Variants in TCERG1 observed in about 807,000 individuals in gnomAD.
TCERG1 encodes TATA box binding protein (TBP)-associated factor, RNA polymerase II, S, 150kD.
A neutral mutation model predicts 144.7 loss-of-function variants in TCERG1; 37 were observed. The ratio of observed to expected loss-of-function variants is 0.26; its 90% CI spans 0.20 to 0.34. The LOEUF (loss-of-function observed/expected upper bound fraction) is 0.34, where lower values mean the gene tolerates loss of function less well. Ranked by LOEUF, TCERG1 falls within the 10% of genes least tolerant of loss-of-function variation. TCERG1 has a pLI of 1.00. For synonymous variants in TCERG1, 492 were observed against 458.2 expected (o/e 1.07, Z -0.94); for missense variants, 1,027 against 1,380.7 (o/e 0.74, Z 4.06).
rs1451231561 is a variant in TCERG1 at position 146,457,137 on chromosome 5, A to G, written c.286-46A>G. 7 of 1,585,952 alleles carry G rather than the reference A, an allele frequency of 4.4e-6. No homozygotes were observed. The Admixed American group carries it at 1.1e-4, about 24-fold the overall frequency. On this transcript the variant is annotated intron_variant, in intron 2 of 22. Coordinates refer to ENST00000679501, the MANE Select transcript of TCERG1 (RefSeq NM_001382548.1). The stretch of plus-strand genomic sequence containing the variant: ...TGAATAGAATTCAGTAATAATTTGG[A>G]GGAAAAGTAATTAAAGTGACCATTA...
intron 10 of TCERG1, 111 bp downstream of exon 10, chr5:146,478,764 C>G (rs1765074398): frequency 8.7e-7 from 1 of 1,151,474 alleles, no homozygotes; most frequent in African/African-American, 1.6e-5. Context: ...ATATAAGAAG[C>G]ATTCGAAAAA....
At chr5:146,506,907 T>C (rs1388644981) in intron 19 of TCERG1, 121 bp from the exon 20 acceptor site, 1 of 726,182 alleles carries the variant, frequency 1.4e-6, no homozygotes. Context: ...TATCTGTTGA[T>C]AGACACTTAG....
At chr5:146,500,804 C>G (rs970763596) in intron 17 of TCERG1, among the ~76,000 whole-genome samples, 1 of 151,844 alleles carries the variant, frequency 6.6e-6, no homozygotes, top group Non-Finnish European at 1.5e-5. Flanking sequence ...GAGGATTGCT[C>G]GAGACCAGCC....
chr5:146,450,270 C>T (rs532219456), intron 1 of TCERG1, among the ~76,000 whole-genome samples: 1 of 152,268 alleles, frequency 6.6e-6, no homozygotes, highest in African/African-American at 2.4e-5. Flanking sequence ...TTTGAGGTGA[C>T]ATTTGAACTA....
chr5:146,496,471 C>A (rs1354743907), intron 16 of TCERG1, among the ~76,000 whole-genome samples: 1 of 152,148 alleles, frequency 6.6e-6, no homozygotes, highest in Admixed American at 6.5e-5. Context: ...TGTTAGTGAT[C>A]TAACTTCATA....
chr5:146,447,652 G>T (rs1435259437), intron 1 of TCERG1, among the ~76,000 whole-genome samples: 1 of 152,230 alleles, frequency 6.6e-6, no homozygotes, highest in Admixed American at 6.5e-5. Flanking sequence ...GGGCCTCGCC[G>T]CCTCTCGCGG....
At chr5:146,476,304 C>T (rs1764833813) in intron 9 of TCERG1, among the ~76,000 whole-genome samples, 1 of 152,226 alleles carries the variant, frequency 6.6e-6, no homozygotes, top group Non-Finnish European at 1.5e-5. Flanking sequence ...CATCTATCTT[C>T]AGTATCTCAT....
chr5:146,506,435 T>C (rs1387295165), intron 19 of TCERG1, among the ~76,000 whole-genome samples: 1 of 152,214 alleles, frequency 6.6e-6, no homozygotes, highest in Non-Finnish European at 1.5e-5. Context: ...TGTTTTGATA[T>C]AGGTAGATAA....
intron 5 of TCERG1, among the ~76,000 whole-genome samples, chr5:146,467,984 C>T (rs995565636): frequency 2.0e-5 from 3 of 152,160 alleles, no homozygotes; most frequent in Non-Finnish European, 4.4e-5. Flanking sequence ...TTACTGGTAT[C>T]TAAGCAACAG....
chr5:146,448,114 C>T (rs1035919756), intron 1 of TCERG1, among the ~76,000 whole-genome samples: 12 of 151,364 alleles, frequency 7.9e-5, no homozygotes, highest in Admixed American at 1.3e-4. Context: ...ATTTTGCAGG[C>T]CACAGACCAG....
At chr5:146,471,305 A>G (rs923397830) in intron 8 of TCERG1, among the ~76,000 whole-genome samples, 183 bp from the exon 9 acceptor site, 2 of 152,150 alleles carry the variant, frequency 1.3e-5, no homozygotes, top group East Asian at 1.9e-4. Flanking sequence ...GGGTTCTGCT[A>G]TTGTGAAATT....
chr5:146,487,725 C>G (rs1343073534), intron 15 of TCERG1, among the ~76,000 whole-genome samples: 2 of 131,388 alleles, frequency 1.5e-5, no homozygotes, highest in South Asian at 4.9e-4. Flanking sequence ...GAACAAGACC[C>G]TGTTTCAAAA....
At chr5:146,490,997 A>T (rs759752012) in intron 15 of TCERG1, among the ~76,000 whole-genome samples, 2 of 151,380 alleles carry the variant, frequency 1.3e-5, no homozygotes, top group Admixed American at 6.6e-5. Context: ...GTTTAGGAAC[A>T]TTTTTTTCTT....
chr5:146,504,223 G>T, intron 19 of TCERG1: 1 of 388,232 alleles, frequency 2.6e-6, no homozygotes, highest in Non-Finnish European at 4.5e-6. Flanking sequence ...TTGCATATAT[G>T]GAAAGTCATA....
At chr5:146,506,931 C>A in intron 19 of TCERG1, 97 bp from the exon 20 acceptor site, 1 of 1,028,322 alleles carries the variant, frequency 9.7e-7, no homozygotes, top group Admixed American at 2.8e-5. Context: ...GATTCCATAT[C>A]TTGGCTATTG....
In TCERG1 at chr5:146,457,439, C is replaced by G. The variant is rs1561636127; in HGVS notation, c.438+104C>G. The G allele has an allele frequency of 2.6e-6, 3 of 1,151,360 alleles. No individual in the cohort carries two copies. In the East Asian group the frequency reaches 7.8e-5, roughly 30 times the overall value. 71.3% of individuals were successfully genotyped at this position (1,151,360 alleles called of 1,614,324 possible). The stretch of plus-strand genomic sequence containing the variant: ...GTGATACTGTCATTTAAGAATGAGC[C>G]CTGGGTGAGCAGGGAATGGGGTAAG... On this transcript the variant is annotated intron_variant, in intron 3 of 22. Transcript: ENST00000679501.
At chr5:146,482,820 T>C (rs909059923) in intron 14 of TCERG1, 93 bp downstream of exon 14, 41 of 1,373,946 alleles carry the variant, frequency 3.0e-5, no homozygotes, top group African/African-American at 4.5e-5. Context: ...TTAGTGCTCA[T>C]GTTATGGGGG....
chr5:146,486,208 T>G (rs1465808495), intron 15 of TCERG1, among the ~76,000 whole-genome samples: 1 of 152,258 alleles, frequency 6.6e-6, no homozygotes, highest in East Asian at 1.9e-4. Flanking sequence ...GTTTGTGCTT[T>G]GATTTAGAAA....
At chr5:146,463,854 TC>T in intron 5 of TCERG1, 61 bp downstream of exon 5, 2 of 1,601,258 alleles carry the variant, frequency 1.2e-6, no homozygotes, top group Non-Finnish European at 1.7e-6. Context: ...GTTAGTTTGT[TC>T]TCATGTGTCT....
Sources: allele counts gnomAD v4.1 joint callset (sites outside exome capture counted in the v4.1 genomes callset), GRCh38; gene constraint gnomAD v4.1.1; transcripts MANE v1.5; gene names NCBI Gene and HGNC (gene_info 2026-07-23, HGNC 2026-07-21).